Variants in AGO2 observed in about 807,000 individuals in gnomAD.
The protein encoded by AGO2 is argonaute RISC catalytic component 2, also known as protein argonaute-2.
AGO2 carries 5 observed loss-of-function variants against 102.3 expected under a neutral mutation model. The observed-to-expected ratio is 0.05, with a 90% CI of 0.03 to 0.10. The LOEUF is 0.10. Among genes scored for constraint, AGO2 ranks in the 10% least tolerant of loss-of-function variants. The pLI, the probability that AGO2 is intolerant of heterozygous loss-of-function variation, is 1.00. For missense variants in AGO2, 541 were observed against 1,183.7 expected, an observed-to-expected ratio of 0.46 and a Z score of 7.97; for synonymous variants, 449 against 473.1, an observed-to-expected ratio of 0.95 and a Z score of 0.66.
Position 140,585,212 on chromosome 8 carries a change from T to C in AGO2, c.122A>G (p.Gln41Arg). The C allele has an allele frequency of 6.2e-7, 1 of 1,614,238 alleles. No individual in the cohort carries two copies. The highest frequency in any genetic ancestry group is 8.5e-7 in the Non-Finnish European group (1 of 1,180,040). The change falls in exon 2 of 19, where the codon CAG becomes CGG. Residue 41 changes from glutamine (Q) to arginine (R), a missense_variant. Gln to Arg is a conservative substitution (Grantham distance 43, BLOSUM62 1). Coordinates refer to ENST00000220592, the MANE Select transcript of AGO2 (RefSeq NM_012154.5). ...GATGTCCATTTCGAAGAAATTGGCC[T>C]GTAATTTGATTGTTCTCCCGGAGGT... ...FGTSGRTIKLQANFFEMDIPK... is the reference protein window; with the variant it reads ...FGTSGRTIKLRANFFEMDIPK...
intron 1 of AGO2, among the ~76,000 whole-genome samples, chr8:140,600,889 A>G (rs1050104560): frequency 5.5e-4 from 83 of 151,536 alleles, no homozygotes; most frequent in Admixed American, 1.8e-3. Context: ...CCGAGATCAC[A>G]CCACTGCACA....
intron 17 of AGO2, among the ~76,000 whole-genome samples, chr8:140,533,389 C>CAAAA (rs371478800): frequency 1.0e-5 from 1 of 96,240 alleles, no homozygotes; most frequent in South Asian, 3.4e-4. Flanking sequence ...ACTCCGTCTC[C>CAAAA]AAAAAAAAAA....
intron 1 of AGO2, among the ~76,000 whole-genome samples, chr8:140,601,203 G>A (rs912583339): frequency 2.0e-5 from 3 of 152,182 alleles, no homozygotes; most frequent in Non-Finnish European, 4.4e-5. Flanking sequence ...CACCCAATGC[G>A]CTCCTGCCCC....
At chr8:140,596,016 CAT>C (rs1232792208) in intron 1 of AGO2, among the ~76,000 whole-genome samples, 138 of 134,126 alleles carry the variant, frequency 1.0e-3, no homozygotes, top group Non-Finnish European at 1.7e-3. Flanking sequence ...CACACACACA[CAT>C]ACACACATAT....
chr8:140,598,513 C>T (rs2073881721), intron 1 of AGO2, among the ~76,000 whole-genome samples: 1 of 152,240 alleles, frequency 6.6e-6, no homozygotes, highest in South Asian at 2.1e-4. Context: ...CTCCATTTCC[C>T]TGTGCGTACA....
intron 17 of AGO2, 103 bp from the exon 18 acceptor site, chr8:140,532,718 T>C: frequency 7.8e-7 from 1 of 1,283,230 alleles, no homozygotes; most frequent in Non-Finnish European, 1.1e-6. Flanking sequence ...CATCATAGTC[T>C]GGACACGGAG....
At chr8:140,581,683 TC>T (rs35605443) in intron 2 of AGO2, among the ~76,000 whole-genome samples, 242 of 152,258 alleles carry the variant, frequency 1.6e-3, no homozygotes, top group Non-Finnish European at 2.7e-3. Flanking sequence ...TACTAAAAGA[TC>T]TAGGAAGACC....
At chr8:140,532,380 C>T (rs753719461) in intron 18 of AGO2, 36 bp downstream of exon 18, 13 of 1,591,702 alleles carry the variant, frequency 8.2e-6, no homozygotes, top group Admixed American at 3.5e-5. Context: ...GCAAAAACCA[C>T]CCCTGCTGTG....
rs150922190 is a variant in AGO2, at chr8:140,576,834, T to C, written c.216-3902A>G. 6.2e-3 allele frequency among the ~76,000 whole-genome samples: 941 copies of C among 152,100 alleles called. 12 individuals are homozygous for C. Among genetic ancestry groups the C allele is most frequent in the African/African-American group, 0.022 (905 of 41,480 alleles). On this transcript the variant is annotated intron_variant, in intron 2 of 18. Transcript: ENST00000220592. ...AAATCAATGTCCATCAGCTGATGAG[T>C]GGACAAACCCATGATGCCACACCCG...
intron 3 of AGO2, among the ~76,000 whole-genome samples, chr8:140,563,190 A>G (rs1397805896): frequency 6.6e-6 from 1 of 152,226 alleles, no homozygotes; most frequent in Non-Finnish European, 1.5e-5. Context: ...CAGATGGTAT[A>G]TATGTTATCC....
chr8:140,541,546 C>T lies in AGO2; in HGVS notation c.1840-188G>A, dbSNP rs571958473. The T allele has an allele frequency of 1.3e-5, 7 of 550,674 alleles. No homozygotes were observed. In the South Asian group the frequency reaches 1.3e-4, roughly 10 times the overall value. 34.1% of individuals were successfully genotyped at this position (550,674 alleles called of 1,614,324 possible). On this transcript the variant is annotated intron_variant, in intron 14 of 18. Transcript: ENST00000220592. Reference sequence around the variant, plus strand: ...GCTTTTGGTGTCTGGCAATAGTGTTCGTAAATACGTACTGAAGTACAAAAG... The same window carrying T: ...GCTTTTGGTGTCTGGCAATAGTGTTTGTAAATACGTACTGAAGTACAAAAG...
rs966519487 is a variant in AGO2 at position 140,527,257 on chromosome 8, G to A, written c.*4787C>T. The A allele has an allele frequency of 9.2e-5, 14 of 152,110 alleles. No individual in the cohort carries two copies. Among genetic ancestry groups the A allele is most frequent in the Admixed American group, 3.9e-4 (6 of 15,274 alleles). 9.4% of individuals were successfully genotyped at this position (152,110 alleles called of 1,614,324 possible). A position where few individuals can be genotyped will look rare whatever the true frequency, so the allele number is the denominator to read the frequency against. ...GAGGCGAACTTGTCCTTCATAAATG[G>A]TCAACAGACACGAAGCTAAAGGGCG... On this transcript the variant is annotated 3_prime_UTR_variant, in exon 19 of 19. Transcript: ENST00000220592. This position sits in a 1 kb window ranked among gnomAD's most constrained non-coding sequence, Gnocchi z 6.0.
intron 1 of AGO2, among the ~76,000 whole-genome samples, chr8:140,621,314 A>C (rs1365172835): frequency 6.6e-6 from 1 of 151,878 alleles, no homozygotes; most frequent in Non-Finnish European, 1.5e-5. Flanking sequence ...TGCCCCTCCT[A>C]CTGGACCAAG....
chr8:140,637,936 G>C, upstream of AGO2: 1 of 152,300 alleles, frequency 6.6e-6, no homozygotes, highest in East Asian at 1.9e-4. Context: ...CTGTCCCCCA[G>C]ACCCACGTCC....
chr8:140,567,270 G>A lies in AGO2; in HGVS notation c.337-4636C>T, dbSNP rs1285845427. ...AGTGGCTGGCTGGTGCTCGTGTGTGGCAGCTTAGGGCTGCATGGAGATTTT... is the reference window on the plus strand; with the variant it reads ...AGTGGCTGGCTGGTGCTCGTGTGTGACAGCTTAGGGCTGCATGGAGATTTT... On this transcript the variant is annotated intron_variant, in intron 3 of 18. Coordinates refer to ENST00000220592, the MANE Select transcript of AGO2 (RefSeq NM_012154.5). This position sits in a 1 kb window ranked among gnomAD's most constrained non-coding sequence, Gnocchi z 5.0. Among the ~76,000 whole-genome samples, 1 of 152,248 alleles carries A rather than the reference G, an allele frequency of 6.6e-6. No individual in the cohort carries two copies. The highest frequency in any genetic ancestry group is 1.5e-5 in the Non-Finnish European group (1 of 68,046).
intron 1 of AGO2, chr8:140,591,817 A>T (rs1001675449): frequency 6.6e-6 from 1 of 152,206 alleles, no homozygotes; most frequent in Non-Finnish European, 1.5e-5. Context: ...TTACTGAACA[A>T]TATTAGAAAT....
intron 2 of AGO2, among the ~76,000 whole-genome samples, chr8:140,573,606 G>A (rs535702475): frequency 6.6e-5 from 10 of 152,352 alleles, no homozygotes; most frequent in South Asian, 2.1e-4. Flanking sequence ...AGTGAAACAC[G>A]GGAGAACCTG....
chr8:140,591,443 T>C (rs7843258), intron 1 of AGO2, among the ~76,000 whole-genome samples: 121,929 of 152,192 alleles, frequency 0.8, 49,131 homozygotes, highest in Admixed American at 0.84. Flanking sequence ...CTGATGATCA[T>C]CCCTAAACCA....
chr8:140,621,199 C>A (rs901566848), intron 1 of AGO2, among the ~76,000 whole-genome samples: 1 of 152,226 alleles, frequency 6.6e-6, no homozygotes, highest in East Asian at 1.9e-4. Context: ...GGTGGGCCTG[C>A]CTGTCTCCCA....
Sources: allele counts gnomAD v4.1 joint callset (sites outside exome capture counted in the v4.1 genomes callset), GRCh38; gene constraint gnomAD v4.1.1; non-coding constraint Gnocchi (gnomAD v3.1); transcripts MANE v1.5; gene names NCBI Gene and HGNC (gene_info 2026-07-23, HGNC 2026-07-21).